Variants in CTNNA2 observed in about 807,000 individuals in gnomAD.
CTNNA2 encodes the protein catenin alpha 2.
Under a neutral mutation model 101.0 loss-of-function variants are expected in CTNNA2, and 42 were observed. That is an observed-to-expected ratio of 0.42 (90% CI 0.32 to 0.54). The LOEUF (loss-of-function observed/expected upper bound fraction) is 0.54, where lower values mean the gene tolerates loss of function less well. Among genes scored for constraint, CTNNA2 ranks in the 20% least tolerant of loss-of-function variants. The pLI is 0.14. For missense variants in CTNNA2, 871 were observed against 1,223.1 expected, an observed-to-expected ratio of 0.71 and a Z score of 4.29; for synonymous variants, 450 against 456.4, an observed-to-expected ratio of 0.99 and a Z score of 0.18.
At chr2:79,540,765 C>T (rs189579161) in intron 1 of CTNNA2, among the ~76,000 whole-genome samples, 104 of 152,210 alleles carry the variant, frequency 6.8e-4, no homozygotes, top group Non-Finnish European at 1.3e-3. Context: ...TCTTTGATTC[C>T]GTGACTTTGC....
intron 9 of CTNNA2, among the ~76,000 whole-genome samples, chr2:80,435,048 T>C (rs1486490565): frequency 1.3e-5 from 2 of 152,190 alleles, no homozygotes; most frequent in Non-Finnish European, 2.9e-5. Flanking sequence ...TGAAGGGTTG[T>C]CTTGTGTGTT....
At chr2:80,544,949 A>G (rs1691908983) in intron 9 of CTNNA2, 33 bp from the exon 10 acceptor site, 3 of 1,591,110 alleles carry the variant, frequency 1.9e-6, no homozygotes, top group Non-Finnish European at 2.6e-6. Context: ...CTTTGCCCCA[A>G]CCTAATATTC....
chr2:80,482,885 C>G lies in CTNNA2; in HGVS notation c.1291-62097C>G, dbSNP rs1432214283. Among the ~76,000 whole-genome samples the G allele has an allele frequency of 2.0e-5, 3 of 152,212 alleles. No homozygotes were observed. In the East Asian group the frequency reaches 5.8e-4, roughly 29 times the overall value. On this transcript the variant is annotated intron_variant, in intron 9 of 18. Transcript: ENST00000402739. ...ACTTGCTTTCTTGTTCTCCACAATA[C>G]TCACCATTCCCTGGTGCCTTCCAGA...
intron 1 of CTNNA2, among the ~76,000 whole-genome samples, chr2:79,553,842 G>A (rs1025592670): frequency 1.3e-5 from 2 of 152,120 alleles, no homozygotes; most frequent in East Asian, 3.9e-4. Flanking sequence ...TAAATATCTT[G>A]GGGCTCACAA....
chr2:80,582,284 A>G (rs879643449), intron 14 of CTNNA2, among the ~76,000 whole-genome samples: 2 of 152,168 alleles, frequency 1.3e-5, no homozygotes, highest in African/African-American at 2.4e-5. Context: ...CCTATGTTCT[A>G]TGATATCTAA....
At chr2:79,454,720 T>C (rs1670794963) in intron 4 of CTNNA2, among the ~76,000 whole-genome samples, 1 of 68,814 alleles carries the variant, frequency 1.5e-5, no homozygotes, top group African/African-American at 3.9e-5. Context: ...AGAGAAATAA[T>C]GCAGACTCAT....
chr2:80,079,828 T>TAAAATAAATA (rs371009954), intron 7 of CTNNA2, among the ~76,000 whole-genome samples: 1 of 120,088 alleles, frequency 8.3e-6, no homozygotes, highest in Non-Finnish European at 1.7e-5. Flanking sequence ...TAAAATAAAA[T>TAAAATAAATA]AAATAAAATA....
chr2:80,602,375 GTTA>G (rs1350606670), intron 15 of CTNNA2, among the ~76,000 whole-genome samples: 1 of 152,000 alleles, frequency 6.6e-6, no homozygotes, highest in Non-Finnish European at 1.5e-5. Context: ...GCTGGTGGAA[GTTA>G]TTATGGAACG....
At chr2:79,762,953 C>A (rs1027071587) in intron 3 of CTNNA2, among the ~76,000 whole-genome samples, 3 of 152,172 alleles carry the variant, frequency 2.0e-5, no homozygotes, top group Non-Finnish European at 4.4e-5. Context: ...CTGTCGGGCT[C>A]TGTAACAAAC....
intron 2 of CTNNA2, among the ~76,000 whole-genome samples, chr2:79,720,303 G>A (rs1231222932): frequency 6.6e-6 from 1 of 152,100 alleles, no homozygotes; most frequent in Non-Finnish European, 1.5e-5. Flanking sequence ...TAGCCTTATA[G>A]TATAGTTTGA....
intron 1 of CTNNA2, among the ~76,000 whole-genome samples, chr2:79,585,828 C>T (rs769542286): frequency 3.3e-5 from 5 of 152,038 alleles, no homozygotes; most frequent in South Asian, 2.1e-4. Flanking sequence ...ATTTGCTGCC[C>T]GCTTTCCAAG....
intron 4 of CTNNA2, among the ~76,000 whole-genome samples, chr2:79,408,048 T>C (rs1399170883): frequency 6.6e-6 from 1 of 152,030 alleles, no homozygotes; most frequent in African/African-American, 2.4e-5. Context: ...GGTAATTGAC[T>C]TCTCAGACTT....
intron 1 of CTNNA2, among the ~76,000 whole-genome samples, chr2:79,645,120 C>A (rs1451047082): frequency 1.3e-5 from 2 of 151,892 alleles, no homozygotes; most frequent in Non-Finnish European, 2.9e-5. Flanking sequence ...GTAGGTAGGA[C>A]TACAGGTGCG....
chr2:80,364,370 T>C (rs1429155668), intron 7 of CTNNA2, among the ~76,000 whole-genome samples: 4 of 152,122 alleles, frequency 2.6e-5, no homozygotes, highest in African/African-American at 9.7e-5. Flanking sequence ...AGATGTTCTT[T>C]TCTCTTTTCT....
At chr2:79,482,698 C>T (rs1413834918) in intron 4 of CTNNA2, among the ~76,000 whole-genome samples, 2 of 152,084 alleles carry the variant, frequency 1.3e-5, no homozygotes, top group African/African-American at 2.4e-5. Context: ...GAAGGATTCA[C>T]CAGCATTCAG....
intron 7 of CTNNA2, among the ~76,000 whole-genome samples, chr2:79,974,629 CA>C (rs1690710349): frequency 6.6e-6 from 1 of 152,038 alleles, no homozygotes; most frequent in Non-Finnish European, 1.5e-5. Context: ...ATTTGATTCA[CA>C]TTCATATATA....
chr2:80,179,000 G>A (rs1360768548), intron 7 of CTNNA2, among the ~76,000 whole-genome samples: 1 of 152,202 alleles, frequency 6.6e-6, no homozygotes, highest in Non-Finnish European at 1.5e-5. Context: ...TTGTGGAAGG[G>A]AAAAGCGATC....
rs1702659675 is a variant in CTNNA2, at chr2:80,135,767, G to C, written c.1056+225970G>C. ...TGCATTGGGAGACCTCTGTAAATATGAGTTGCTTGGCTCCCTGAAAGAGTT... is the reference window on the plus strand; with the variant it reads ...TGCATTGGGAGACCTCTGTAAATATCAGTTGCTTGGCTCCCTGAAAGAGTT... On this transcript the variant is annotated intron_variant, in intron 7 of 18. Transcript: ENST00000402739. 2.6e-5 allele frequency among the ~76,000 whole-genome samples: 4 copies of C among 152,172 alleles called. No homozygotes were observed. The South Asian group carries it at 8.3e-4, about 32-fold the overall frequency.
At chr2:80,599,706 C>T (rs757752551) in intron 15 of CTNNA2, among the ~76,000 whole-genome samples, 9 of 152,078 alleles carry the variant, frequency 5.9e-5, no homozygotes, top group African/African-American at 9.7e-5. Flanking sequence ...CAGGATTTCC[C>T]AGATGATTCA....
Sources: allele counts gnomAD v4.1 joint callset (sites outside exome capture counted in the v4.1 genomes callset), GRCh38; gene constraint gnomAD v4.1.1; transcripts MANE v1.5; gene names NCBI Gene and HGNC (gene_info 2026-07-23, HGNC 2026-07-21).